Variants in BRINP1 observed in about 807,000 individuals in gnomAD.
BRINP1 encodes BMP/retinoic acid inducible neural specific 1, also known as BMP/retinoic acid-inducible neural-specific protein 1.
Under a neutral mutation model 72.9 loss-of-function variants are expected in BRINP1, and 17 were observed. That is an observed-to-expected ratio of 0.23 (90% CI 0.16 to 0.35). The LOEUF is 0.35. Among genes scored for constraint, BRINP1 ranks in the 10% least tolerant of loss-of-function variants. The pLI is 1.00. For synonymous variants in BRINP1, 418 were observed against 378.5 expected, an observed-to-expected ratio of 1.10 and a Z score of -1.21; for missense variants, 850 against 1,001.6, an observed-to-expected ratio of 0.85 and a Z score of 2.04.
At chr9:119,252,420 GA>G (rs1255667151) in intron 2 of BRINP1, among the ~76,000 whole-genome samples, 7 of 151,846 alleles carry the variant, frequency 4.6e-5, no homozygotes, top group Admixed American at 1.3e-4. Context: ...TATCTCTGAG[GA>G]AAAGAGTATT....
intron 7 of BRINP1, among the ~76,000 whole-genome samples, chr9:119,178,537 C>T (rs1829515242): frequency 6.6e-6 from 1 of 152,202 alleles, no homozygotes. Flanking sequence ...CAGTAGTTAT[C>T]ATGGATAGTC....
chr9:119,357,748 A>G (rs114454090), intron 1 of BRINP1, among the ~76,000 whole-genome samples: 482 of 152,296 alleles, frequency 3.2e-3, no homozygotes, highest in African/African-American at 0.011. Context: ...TGCCTTTCTC[A>G]TTTAGGCATG....
rs576759283 is a variant in BRINP1 at position 119,337,546 on chromosome 9, T to C, written c.-50-24141A>G. Among the ~76,000 whole-genome samples the C allele has an allele frequency of 1.1e-3, 160 of 152,366 alleles. 2 individuals carry two copies. The highest frequency in any genetic ancestry group is 1.7e-3 in the Non-Finnish European group (118 of 68,036). ...TGACAAGTGCACCTGTTTGTGACTA[T>C]AGGCTTACAGGATCAAGTCCAAACA... is the stretch of plus-strand genomic sequence containing the variant. On this transcript the variant is annotated intron_variant, in intron 1 of 7. Transcript: ENST00000265922.
intron 2 of BRINP1, among the ~76,000 whole-genome samples, chr9:119,267,472 T>C (rs879554067): frequency 2.6e-5 from 4 of 151,250 alleles, no homozygotes; most frequent in Admixed American, 2.6e-4. Flanking sequence ...CCATCTCTAC[T>C]AAAAAAAACA....
At chr9:119,253,492 A>G (rs1292622840) in intron 2 of BRINP1, among the ~76,000 whole-genome samples, 2 of 152,212 alleles carry the variant, frequency 1.3e-5, no homozygotes, top group African/African-American at 2.4e-5. Flanking sequence ...TGTTAAGTGA[A>G]ATAGTCCAAG....
chr9:119,224,158 T>C (rs1372116841), intron 5 of BRINP1, among the ~76,000 whole-genome samples: 4 of 152,044 alleles, frequency 2.6e-5, no homozygotes, highest in African/African-American at 4.8e-5. Context: ...TATGGCCTCA[T>C]GGGGCTCTAG....
At chr9:119,180,557 G>A (rs138519110) in intron 7 of BRINP1, among the ~76,000 whole-genome samples, 1 of 151,936 alleles carries the variant, frequency 6.6e-6, no homozygotes, top group Non-Finnish European at 1.5e-5. Flanking sequence ...CGTCAAGTCA[G>A]TGGTGTCAGA....
At chr9:119,358,019 G>A (rs1052017092) in intron 1 of BRINP1, among the ~76,000 whole-genome samples, 6 of 152,266 alleles carry the variant, frequency 3.9e-5, no homozygotes, top group Non-Finnish European at 7.4e-5. Flanking sequence ...CTCACTTATT[G>A]TATATCTTGG....
intron 1 of BRINP1, among the ~76,000 whole-genome samples, chr9:119,367,193 A>ATG (rs10656214): frequency 0.055 from 6,137 of 111,076 alleles, 460 homozygotes; most frequent in African/African-American, 0.15. Flanking sequence ...ATATGAACAC[A>ATG]TGTGTGTGTG....
At chr9:119,175,217 C>G (rs2778887) in intron 7 of BRINP1, among the ~76,000 whole-genome samples, 17,937 of 151,038 alleles carry the variant, frequency 0.12, 2,957 homozygotes, top group African/African-American at 0.38. Context: ...GTCCTTTGCA[C>G]GGACATGGAT....
intron 1 of BRINP1, among the ~76,000 whole-genome samples, chr9:119,344,654 C>G (rs1452273758): frequency 2.6e-5 from 4 of 152,172 alleles, no homozygotes; most frequent in Non-Finnish European, 4.4e-5. Flanking sequence ...AAATGCTTAC[C>G]TGATACCCAG....
In BRINP1 at chr9:119,176,177, TCAAA is replaced by T. The variant is rs369916223; in HGVS notation, c.1146-7957_1146-7954del. On this transcript the variant is annotated intron_variant, in intron 7 of 7. Transcript: ENST00000265922. ...CTAAGGGTGAAAGGACTGCTCAGAG[TCAAA>T]CAAACAATCAGAGTAGTCTCCTGGC... Among the ~76,000 whole-genome samples, 256 of 152,156 alleles carry T rather than the reference TCAAA, an allele frequency of 1.7e-3. 1 individual carries two copies. The highest frequency in any genetic ancestry group is 2.3e-3 in the Non-Finnish European group (158 of 68,006).
intron 2 of BRINP1, among the ~76,000 whole-genome samples, chr9:119,297,436 G>A (rs1483810882): frequency 2.0e-5 from 3 of 152,116 alleles, no homozygotes; most frequent in Non-Finnish European, 4.4e-5. Flanking sequence ...AGAGTTGTGT[G>A]ACTTCCCAGC....
chr9:119,297,072 AT>A (rs2118978595), intron 2 of BRINP1, among the ~76,000 whole-genome samples: 1 of 152,314 alleles, frequency 6.6e-6, no homozygotes, highest in East Asian at 1.9e-4. Context: ...GGACACCTTA[AT>A]TAGCTTGATT....
At chr9:119,194,733 C>G (rs943651668) in intron 7 of BRINP1, among the ~76,000 whole-genome samples, 1 of 152,178 alleles carries the variant, frequency 6.6e-6, no homozygotes, top group Non-Finnish European at 1.5e-5. Context: ...CCACAAGAAA[C>G]TGAATTCTGC....
intron 7 of BRINP1, among the ~76,000 whole-genome samples, chr9:119,184,192 A>C (rs1428739504): frequency 2.6e-5 from 4 of 152,194 alleles, no homozygotes; most frequent in Non-Finnish European, 5.9e-5. Context: ...CTACAAATGC[A>C]GAATAACAAG....
Position 119,288,882 on chromosome 9 carries a change from G to T in BRINP1, c.218+24256C>A, listed in dbSNP as rs192260457. ...ACAATCTTGGCTCACTGCAACCTCT[G>T]CCTCCCAGGTTCAAGCTATTCTATT... On this transcript the variant is annotated intron_variant, in intron 2 of 7. Coordinates refer to ENST00000265922, the MANE Select transcript of BRINP1 (RefSeq NM_014618.3). Among the ~76,000 whole-genome samples the T allele has an allele frequency of 3.7e-4, 57 of 152,104 alleles. No homozygotes were observed. The East Asian group carries it at 0.011, about 29-fold the overall frequency.
chr9:119,207,677 C>T (rs1829872977), intron 7 of BRINP1, among the ~76,000 whole-genome samples: 1 of 152,162 alleles, frequency 6.6e-6, no homozygotes, highest in African/African-American at 2.4e-5. Flanking sequence ...ATTACTTGAC[C>T]TCTCTCAGCT....
At chr9:119,273,777 A>G (rs1295098912) in intron 2 of BRINP1, among the ~76,000 whole-genome samples, 1 of 152,198 alleles carries the variant, frequency 6.6e-6, no homozygotes, top group African/African-American at 2.4e-5. Flanking sequence ...CATTTCAACC[A>G]CAAGGGTTGG....
Sources: allele counts gnomAD v4.1 joint callset (sites outside exome capture counted in the v4.1 genomes callset), GRCh38; gene constraint gnomAD v4.1.1; transcripts MANE v1.5; gene names NCBI Gene and HGNC (gene_info 2026-07-23, HGNC 2026-07-21).